NPAS3: variants seen among roughly 807,000 people sequenced by gnomAD.
The protein encoded by NPAS3 is neuronal PAS domain protein 3, also known as neuronal PAS domain-containing protein 3.
In NPAS3, 14 loss-of-function variants were observed where a neutral mutation model predicts 73.1. The ratio of observed to expected loss-of-function variants is 0.19; its 90% CI spans 0.13 to 0.30. NPAS3 has a LOEUF of 0.30. Ranked by LOEUF, NPAS3 falls within the 10% of genes least tolerant of loss-of-function variation. The pLI is 1.00. For missense variants in NPAS3, 1,096 were observed against 1,250.0 expected, an observed-to-expected ratio of 0.88 and a Z score of 1.86; for synonymous variants, 620 against 541.5, an observed-to-expected ratio of 1.14 and a Z score of -2.01.
chr14:33,113,302 A>G (rs1345526439), intron 2 of NPAS3, among the ~76,000 whole-genome samples: 1 of 152,192 alleles, frequency 6.6e-6, no homozygotes, highest in Non-Finnish European at 1.5e-5. Flanking sequence ...ACCCATGAGC[A>G]TGGAATGTTC....
chr14:33,339,013 G>A (rs576690283), intron 3 of NPAS3, among the ~76,000 whole-genome samples: 20 of 152,212 alleles, frequency 1.3e-4, no homozygotes, highest in Admixed American at 6.5e-4. Context: ...TGCTTACTGG[G>A]ATTTTGTGCC....
chr14:33,183,421 GTTTTTTTTTTTTTTTTTTTTTTTT>G (rs55643715), intron 2 of NPAS3, among the ~76,000 whole-genome samples: 2 of 60,764 alleles, frequency 3.3e-5, no homozygotes, highest in African/African-American at 9.6e-5. Context: ...GTGAGACTCT[GTTTTTTTTTTTTTTTTTTTTTTTT>G]TTTTTTTTTT....
At chr14:32,942,507 CT>C (rs1333937634) in intron 1 of NPAS3, among the ~76,000 whole-genome samples, 2 of 152,168 alleles carry the variant, frequency 1.3e-5, no homozygotes, top group African/African-American at 4.8e-5. Context: ...TGTACATAAA[CT>C]TGTTTGATTT....
intron 3 of NPAS3, among the ~76,000 whole-genome samples, chr14:33,266,931 A>T (rs963488300): frequency 1.3e-5 from 2 of 152,176 alleles, no homozygotes; most frequent in Admixed American, 6.5e-5. Flanking sequence ...TGCCTTAAAA[A>T]ATTCTCTCTC....
chr14:33,098,384 GATGATGATGACAACA>G (rs531187231), intron 2 of NPAS3, among the ~76,000 whole-genome samples: 140 of 152,300 alleles, frequency 9.2e-4, no homozygotes, highest in African/African-American at 3.1e-3. Flanking sequence ...CTGATTCAAA[GATGATGATGACAACA>G]ATGATGATGA....
At chr14:33,581,319 GTAAT>G (rs1323716249) in intron 5 of NPAS3, among the ~76,000 whole-genome samples, 3 of 152,106 alleles carry the variant, frequency 2.0e-5, no homozygotes, top group Non-Finnish European at 4.4e-5. Context: ...CATATGGGCA[GTAAT>G]TAATTTATAT....
At chr14:33,312,830 C>A (rs192575272) in intron 3 of NPAS3, among the ~76,000 whole-genome samples, 21 of 128,704 alleles carry the variant, frequency 1.6e-4, no homozygotes, top group African/African-American at 7.1e-4. Context: ...ATAGGCACAA[C>A]TTTTAGTGGA....
At chr14:33,109,848 T>C (rs2138953717) in intron 2 of NPAS3, among the ~76,000 whole-genome samples, 1 of 141,582 alleles carries the variant, frequency 7.1e-6, no homozygotes, top group Non-Finnish European at 1.5e-5. Flanking sequence ...ACAAGGTCTC[T>C]CTCTGGCTCC....
chr14:33,191,549 C>A (rs2046171955), intron 2 of NPAS3, among the ~76,000 whole-genome samples: 1 of 152,120 alleles, frequency 6.6e-6, no homozygotes, highest in African/African-American at 2.4e-5. Flanking sequence ...TTCTATGGAT[C>A]TGGAGATCAG....
intron 2 of NPAS3, among the ~76,000 whole-genome samples, chr14:33,182,375 A>T (rs1416240602): frequency 6.6e-6 from 1 of 152,130 alleles, no homozygotes; most frequent in African/African-American, 2.4e-5. Flanking sequence ...TTTCTATTGT[A>T]TTTCTTCAGT....
intron 4 of NPAS3, among the ~76,000 whole-genome samples, chr14:33,446,937 C>T (rs760155017): frequency 1.8e-4 from 28 of 152,210 alleles, no homozygotes; most frequent in Admixed American, 1.4e-3. Context: ...AATACAACTA[C>T]GTTTGTATGT....
At chr14:33,671,420 T>A (rs893329733) in intron 5 of NPAS3, among the ~76,000 whole-genome samples, 1 of 152,198 alleles carries the variant, frequency 6.6e-6, no homozygotes, top group African/African-American at 2.4e-5. Flanking sequence ...ATCAGCTGTG[T>A]CTAGTGTGCA....
chr14:33,768,238 TG>T (rs1334809100), intron 7 of NPAS3, among the ~76,000 whole-genome samples: 3 of 152,238 alleles, frequency 2.0e-5, no homozygotes, highest in Non-Finnish European at 4.4e-5. Flanking sequence ...TTAGCATTTT[TG>T]TACAGCTTTT....
At chr14:33,720,593 G>A (rs189278587) in intron 6 of NPAS3, among the ~76,000 whole-genome samples, 1 of 152,162 alleles carries the variant, frequency 6.6e-6, no homozygotes, top group African/African-American at 2.4e-5. Flanking sequence ...CTGTACATCA[G>A]CAGGACTGTG....
chr14:32,938,494 A>G (rs1321389624), upstream of NPAS3, among the ~76,000 whole-genome samples: 1 of 103,636 alleles, frequency 9.6e-6, no homozygotes, highest in African/African-American at 4.2e-5. Flanking sequence ...ATTGAGAGAG[A>G]GAGAGAGAGA....
At chr14:33,676,551 TAAG>T (rs1451581755) in intron 6 of NPAS3, among the ~76,000 whole-genome samples, 166 bp downstream of exon 6, 2 of 152,280 alleles carry the variant, frequency 1.3e-5, no homozygotes, top group South Asian at 2.1e-4. Flanking sequence ...GATCTGAAAA[TAAG>T]GAGACATTTT....
chr14:33,368,064 A>G (rs2045923253), intron 4 of NPAS3, among the ~76,000 whole-genome samples: 1 of 152,058 alleles, frequency 6.6e-6, no homozygotes, highest in African/African-American at 2.4e-5. Context: ...ACCTTTTTAC[A>G]TAGAATTGGA....
At chr14:33,626,105 T>C (rs1471809440) in intron 5 of NPAS3, among the ~76,000 whole-genome samples, 1 of 152,140 alleles carries the variant, frequency 6.6e-6, no homozygotes, top group Non-Finnish European at 1.5e-5. Context: ...CGTGTATACG[T>C]TTATGTCAGG....
chr14:32,948,519 C>G lies in NPAS3; in HGVS notation c.50+9153C>G, dbSNP rs1279531417. 2.0e-5 allele frequency among the ~76,000 whole-genome samples: 3 copies of G among 152,128 alleles called. No individual in the cohort carries two copies. The South Asian group carries it at 6.2e-4, about 31-fold the overall frequency. ...CATATGAATTTATTCTTTTCTCTCT[C>G]TTTGCTTCTCTCTTTCTGTCTCTGG... On this transcript the variant is annotated intron_variant, in intron 1 of 11. Transcript: ENST00000356141.
Sources: allele counts gnomAD v4.1 joint callset (sites outside exome capture counted in the v4.1 genomes callset), GRCh38; gene constraint gnomAD v4.1.1; transcripts MANE v1.5; gene names NCBI Gene and HGNC (gene_info 2026-07-23, HGNC 2026-07-21).